KREMEN1: variants seen among roughly 807,000 people sequenced by gnomAD.
The protein encoded by KREMEN1 is kremen protein 1.
KREMEN1 carries 30 observed loss-of-function variants against 46.5 expected under a neutral mutation model. The ratio of observed to expected loss-of-function variants is 0.65; its 90% CI spans 0.48 to 0.88. The LOEUF (loss-of-function observed/expected upper bound fraction) is 0.88. Ranked by LOEUF, KREMEN1 falls within the 40% of genes least tolerant of loss-of-function variation. The probability of loss-of-function intolerance (pLI) is 0.00; values close to 1 mark genes in which losing one functional copy is unlikely to be tolerated. For missense variants in KREMEN1, 533 were observed against 596.9 expected, an observed-to-expected ratio of 0.89 and a Z score of 1.11; for synonymous variants, 214 against 230.6, an observed-to-expected ratio of 0.93 and a Z score of 0.65.
rs1800959982 is a variant in KREMEN1 at position 29,079,730 on chromosome 22, T to C, written c.97+6503T>C. On this transcript the variant is annotated intron_variant, in intron 1 of 8. Coordinates refer to ENST00000400335, the MANE Select transcript of KREMEN1 (RefSeq NM_001039570.3). ...GAGCGGCTGTAGCTATCAGCGTGTATGATTGACTCTGCGTGGTTTCTTCAC... is the reference window on the plus strand; with the variant it reads ...GAGCGGCTGTAGCTATCAGCGTGTACGATTGACTCTGCGTGGTTTCTTCAC... Among the ~76,000 whole-genome samples the C allele has an allele frequency of 2.0e-5, 3 of 152,360 alleles. No homozygotes were observed. The South Asian group carries it at 6.2e-4, about 32-fold the overall frequency.
Position 29,143,320 on chromosome 22 carries a change from T to A in KREMEN1, c.*1208T>A. On this transcript the variant is annotated 3_prime_UTR_variant, in exon 9 of 9. Transcript: ENST00000400335. Reference sequence around the variant, plus strand: ...CCTGAGCCAGGCCTCAGTCTCTCCATGATTGGCTCAGCTAACTCTCAGTTC... The same window carrying A: ...CCTGAGCCAGGCCTCAGTCTCTCCAAGATTGGCTCAGCTAACTCTCAGTTC... The A allele has an allele frequency of 4.1e-6, 4 of 985,486 alleles. No individual in the cohort carries two copies. The highest frequency in any genetic ancestry group is 4.8e-6 in the Non-Finnish European group (4 of 829,964). 61.0% of individuals were successfully genotyped at this position (985,486 alleles called of 1,614,324 possible). A position where few individuals can be genotyped will look rare whatever the true frequency, so the allele number is the denominator to read the frequency against.
At chr22:29,162,746 T>C (rs1481615292) in intron 9 of KREMEN1, among the ~76,000 whole-genome samples, 1 of 151,826 alleles carries the variant, frequency 6.6e-6, no homozygotes, top group Non-Finnish European at 1.5e-5. Flanking sequence ...AAAAAGCAAT[T>C]CCATTATTGG....
intron 9 of KREMEN1, among the ~76,000 whole-genome samples, chr22:29,155,780 G>A (rs907357410): frequency 3.3e-5 from 5 of 151,812 alleles, no homozygotes; most frequent in Non-Finnish European, 5.9e-5. Context: ...TCAACATGGC[G>A]AAACCCCGTC....
intron 1 of KREMEN1, among the ~76,000 whole-genome samples, chr22:29,081,336 A>G (rs1402945940): frequency 6.6e-6 from 1 of 152,214 alleles, no homozygotes; most frequent in Non-Finnish European, 1.5e-5. Context: ...TCTCTAGAGT[A>G]CAATTGTCAG....
Position 29,145,725 on chromosome 22 carries a change from A to T in KREMEN1, c.*3613A>T, listed in dbSNP as rs2038848002. On this transcript the variant is annotated 3_prime_UTR_variant, in exon 9 of 9. Coordinates refer to ENST00000400335, the MANE Select transcript of KREMEN1 (RefSeq NM_001039570.3). ...CACCCGCCCTGTCCCCCACGTCAGGACAGGCTTGAGGCCTCTCTGGGCGTG... is the reference window on the plus strand; with the variant it reads ...CACCCGCCCTGTCCCCCACGTCAGGTCAGGCTTGAGGCCTCTCTGGGCGTG... 1 of 985,404 alleles carries T rather than the reference A, an allele frequency of 1.0e-6. No homozygotes were observed. The highest frequency in any genetic ancestry group is 4.7e-5 in the South Asian group (1 of 21,294). 61.0% of individuals were successfully genotyped at this position (985,404 alleles called of 1,614,324 possible). A position where few individuals can be genotyped will look rare whatever the true frequency, so the allele number is the denominator to read the frequency against.
intron 1 of KREMEN1, among the ~76,000 whole-genome samples, chr22:29,074,742 T>A (rs1036991551): frequency 6.6e-6 from 1 of 152,226 alleles, no homozygotes; most frequent in South Asian, 2.1e-4. Flanking sequence ...TTGGCTTGGA[T>A]TAGCGAAAAA....
chr22:29,075,896 A>G (rs1461136602), intron 1 of KREMEN1, among the ~76,000 whole-genome samples: 1 of 152,202 alleles, frequency 6.6e-6, no homozygotes, highest in Non-Finnish European at 1.5e-5. Flanking sequence ...TGCTGACTTT[A>G]TAAAAACAGT....
At chr22:29,157,042 C>G (rs905729518) in intron 9 of KREMEN1, among the ~76,000 whole-genome samples, 27 of 152,148 alleles carry the variant, frequency 1.8e-4, no homozygotes. Flanking sequence ...GGACTGAACC[C>G]TTTTTACAAC....
chr22:29,109,728 G>A (rs753133311), intron 3 of KREMEN1, among the ~76,000 whole-genome samples: 4 of 152,154 alleles, frequency 2.6e-5, no homozygotes, highest in Non-Finnish European at 5.9e-5. Context: ...TTTACAGGAC[G>A]GATCAAAGGA....
Position 29,144,948 on chromosome 22 carries a change from G to C in KREMEN1, c.*2836G>C. On this transcript the variant is annotated 3_prime_UTR_variant, in exon 9 of 9. Transcript: ENST00000400335. ...CTGCCTCGCCCTGGCATGGCCCAGC[G>C]CCTCTAGGATCAACTTACGATCCGT... 1 of 985,536 alleles carries C rather than the reference G, an allele frequency of 1.0e-6. No individual in the cohort carries two copies. Among genetic ancestry groups the C allele is most frequent in the Non-Finnish European group, 1.2e-6 (1 of 829,996 alleles). The allele number at this position is 985,536 out of a possible 1,614,324, so 61.0% of individuals were successfully genotyped here.
At chr22:29,155,166 A>G (rs13054127) in intron 9 of KREMEN1, among the ~76,000 whole-genome samples, 2,303 of 152,166 alleles carry the variant, frequency 0.015, 37 homozygotes, top group Non-Finnish European at 0.021. Flanking sequence ...GTATGTGTAT[A>G]CAAAGGCACC....
chr22:29,104,778 C>T (rs1448243672), intron 3 of KREMEN1, among the ~76,000 whole-genome samples: 1 of 152,136 alleles, frequency 6.6e-6, no homozygotes, highest in African/African-American at 2.4e-5. Context: ...TCTGTAGTCC[C>T]ACCTATTCGG....
chr22:29,133,650 G>GTT (rs1315619620), intron 5 of KREMEN1, among the ~76,000 whole-genome samples: 5 of 112,870 alleles, frequency 4.4e-5, no homozygotes, highest in Non-Finnish European at 8.5e-5. Flanking sequence ...TTCTTTGTCT[G>GTT]TTTTTTTTTG....
chr22:29,147,160 C>G (rs966630363), downstream of KREMEN1, among the ~76,000 whole-genome samples: 1 of 152,188 alleles, frequency 6.6e-6, no homozygotes, highest in Non-Finnish European at 1.5e-5. Context: ...CTCAGCTTCC[C>G]CATCTGAAAA....
chr22:29,088,190 C>A (rs1186789120), intron 1 of KREMEN1, among the ~76,000 whole-genome samples: 2 of 152,052 alleles, frequency 1.3e-5, no homozygotes, highest in East Asian at 3.8e-4. Flanking sequence ...TTGATGGTAG[C>A]CTAACTTTAA....
chr22:29,099,298 C>A, intron 3 of KREMEN1: 1 of 194,668 alleles, frequency 5.1e-6, no homozygotes, highest in Admixed American at 5.5e-5. Context: ...GAATGAACAT[C>A]TTTATACATA....
chr22:29,119,925 A>C (rs1313699448), intron 3 of KREMEN1, among the ~76,000 whole-genome samples: 5 of 152,198 alleles, frequency 3.3e-5, no homozygotes, highest in African/African-American at 1.2e-4. Context: ...GGTGAGACCA[A>C]TGTAATCACA....
intron 3 of KREMEN1, chr22:29,111,827 C>T (rs1425995670): frequency 6.6e-6 from 1 of 152,142 alleles, no homozygotes; most frequent in Non-Finnish European, 1.5e-5. Flanking sequence ...TAATAATAGT[C>T]AGGGCTGCTT....
intron 3 of KREMEN1, among the ~76,000 whole-genome samples, chr22:29,105,292 T>C (rs2038037734): frequency 6.6e-6 from 1 of 151,578 alleles, no homozygotes; most frequent in Non-Finnish European, 1.5e-5. Context: ...TATCAGTATG[T>C]CTAGAACAGA....
Sources: gnomAD v4.1 joint callset for allele counts (sites outside exome capture counted in the v4.1 genomes callset) on GRCh38, gnomAD v4.1.1 for gene constraint, MANE v1.5 for transcripts, NCBI Gene and HGNC (gene_info 2026-07-23, HGNC 2026-07-21) for gene names.